ZNF521: variants seen among roughly 807,000 people sequenced by gnomAD.
ZNF521 encodes zinc finger protein 521.
In ZNF521, 14 loss-of-function variants were observed where a neutral mutation model predicts 105.5. The ratio of observed to expected loss-of-function variants is 0.13; its 90% CI spans 0.09 to 0.21. The LOEUF (loss-of-function observed/expected upper bound fraction) is 0.21. Ranked by LOEUF, ZNF521 falls within the 10% of genes least tolerant of loss-of-function variation. The pLI, the probability that ZNF521 is intolerant of heterozygous loss-of-function variation, is 1.00. For missense variants in ZNF521, 1,233 were observed against 1,629.7 expected, an observed-to-expected ratio of 0.76 and a Z score of 4.19; for synonymous variants, 635 against 606.0, an observed-to-expected ratio of 1.05 and a Z score of -0.70.
intron 2 of ZNF521, chr18:25,327,557 A>G (rs1600312531): frequency 4.3e-6 from 3 of 689,728 alleles, no homozygotes; most frequent in East Asian, 1.1e-4. Flanking sequence ...TATACTTTTT[A>G]AGAACAGAGA....
chr18:25,314,777 T>C (rs1912511721), intron 3 of ZNF521, among the ~76,000 whole-genome samples: 1 of 152,204 alleles, frequency 6.6e-6, no homozygotes, highest in Non-Finnish European at 1.5e-5. Flanking sequence ...ATTAATGATG[T>C]GAAAGAACAC....
chr18:25,255,627 CAA>C (rs1182210975), intron 3 of ZNF521, among the ~76,000 whole-genome samples: 7 of 151,974 alleles, frequency 4.6e-5, no homozygotes, highest in African/African-American at 1.7e-4. Context: ...GCTCAATCAA[CAA>C]ACACCTTCTG....
At chr18:25,162,440 T>C (rs1175790868) in intron 5 of ZNF521, among the ~76,000 whole-genome samples, 3 of 152,222 alleles carry the variant, frequency 2.0e-5, no homozygotes, top group Non-Finnish European at 4.4e-5. Flanking sequence ...TCTAAATAAC[T>C]AGGGCATCAC....
chr18:25,074,197 C>G (rs370671010), intron 7 of ZNF521, among the ~76,000 whole-genome samples: 154 of 152,312 alleles, frequency 1.0e-3, no homozygotes, highest in African/African-American at 3.6e-3. Context: ...AGGTAAAATT[C>G]CTGGTGTTTG....
At chr18:25,247,121 C>T (rs533259920) in intron 3 of ZNF521, among the ~76,000 whole-genome samples, 4 of 152,216 alleles carry the variant, frequency 2.6e-5, no homozygotes, top group Middle Eastern at 3.4e-3. Context: ...AGAAGAGGCA[C>T]AGCAGATACA....
chr18:25,237,045 T>C (rs2144779608), intron 3 of ZNF521, among the ~76,000 whole-genome samples: 1 of 152,334 alleles, frequency 6.6e-6, no homozygotes, highest in South Asian at 2.1e-4. Flanking sequence ...TTGATTTTTC[T>C]CTTCCCTAGA....
intron 2 of ZNF521, among the ~76,000 whole-genome samples, chr18:25,343,797 C>T (rs1033174075): frequency 6.6e-6 from 1 of 151,958 alleles, no homozygotes; most frequent in African/African-American, 2.4e-5. Flanking sequence ...GAGATGCTGC[C>T]CCAAAATAAT....
chr18:25,137,253 C>T (rs980421139), intron 5 of ZNF521, among the ~76,000 whole-genome samples: 1 of 152,092 alleles, frequency 6.6e-6, no homozygotes, highest in Admixed American at 6.6e-5. Flanking sequence ...AATAGCTTTC[C>T]TTTTAAAACA....
intron 3 of ZNF521, among the ~76,000 whole-genome samples, chr18:25,264,745 A>C (rs1247049027): frequency 6.6e-6 from 1 of 152,182 alleles, no homozygotes; most frequent in Non-Finnish European, 1.5e-5. Context: ...CAAAAGCCCG[A>C]AAGTTCTATT....
chr18:25,085,577 G>GTGTACATACATAGTGTA (rs1306988071), intron 7 of ZNF521, among the ~76,000 whole-genome samples: 1 of 151,540 alleles, frequency 6.6e-6, no homozygotes, highest in Non-Finnish European at 1.5e-5. Flanking sequence ...CTATATATAT[G>GTGTACATACATAGTGTA]TGTACATACA....
At chr18:25,332,221 T>C (rs958007224) in intron 2 of ZNF521, among the ~76,000 whole-genome samples, 1 of 151,834 alleles carries the variant, frequency 6.6e-6, no homozygotes, top group African/African-American at 2.4e-5. Flanking sequence ...TGATCCCACT[T>C]AGGAAGATAA....
chr18:25,123,221 G>A (rs1162583703), intron 5 of ZNF521, among the ~76,000 whole-genome samples: 2 of 151,636 alleles, frequency 1.3e-5, no homozygotes, highest in Non-Finnish European at 2.9e-5. Flanking sequence ...TTTTGTTTTT[G>A]CCTCAAAGAT....
chr18:25,332,543 A>T (rs1182802984), intron 2 of ZNF521, among the ~76,000 whole-genome samples: 2 of 152,164 alleles, frequency 1.3e-5, no homozygotes, highest in Non-Finnish European at 2.9e-5. Context: ...CACACAACCA[A>T]AAATAAACTA....
intron 3 of ZNF521, among the ~76,000 whole-genome samples, chr18:25,269,793 G>A (rs967877871): frequency 6.6e-6 from 1 of 152,200 alleles, no homozygotes; most frequent in Non-Finnish European, 1.5e-5. Context: ...TTAAAGCAGT[G>A]CATAGAGGGA....
chr18:25,212,538 A>AAATAT (rs1555647923), intron 4 of ZNF521, among the ~76,000 whole-genome samples: 8 of 48,144 alleles, frequency 1.7e-4, no homozygotes, highest in Non-Finnish European at 2.2e-4. Flanking sequence ...AAAAAAAAAA[A>AAATAT]ATATATATAT....
intron 5 of ZNF521, among the ~76,000 whole-genome samples, chr18:25,154,097 G>A (rs2035099323): frequency 6.6e-6 from 1 of 152,134 alleles, no homozygotes; most frequent in Admixed American, 6.5e-5. Flanking sequence ...TTCCCTAATA[G>A]TCAATTCCAT....
At chr18:25,297,142 C>CACACATAT (rs112698467) in intron 3 of ZNF521, among the ~76,000 whole-genome samples, 1 of 146,228 alleles carries the variant, frequency 6.8e-6, no homozygotes, top group African/African-American at 2.6e-5. Flanking sequence ...CACACACACA[C>CACACATAT]ATATATATAT....
intron 2 of ZNF521, among the ~76,000 whole-genome samples, chr18:25,340,523 T>C (rs1914138176): frequency 6.6e-6 from 1 of 152,214 alleles, no homozygotes; most frequent in South Asian, 2.1e-4. Context: ...GTCTTTGATT[T>C]TGTTCCATCA....
chr18:25,299,763 A>T (rs1375143704), intron 3 of ZNF521, among the ~76,000 whole-genome samples: 1 of 152,248 alleles, frequency 6.6e-6, no homozygotes, highest in Non-Finnish European at 1.5e-5. Flanking sequence ...ATTACATTGT[A>T]TAAGTCCTTG....
Sources: allele counts gnomAD v4.1 joint callset (sites outside exome capture counted in the v4.1 genomes callset), GRCh38; gene constraint gnomAD v4.1.1; transcripts MANE v1.5; gene names NCBI Gene and HGNC (gene_info 2026-07-23, HGNC 2026-07-21).